CCZ1: variants seen among roughly 807,000 people sequenced by gnomAD.
CCZ1 encodes vacuolar fusion protein CCZ1 homolog.
In CCZ1, 19 loss-of-function variants were observed where a neutral mutation model predicts 57.8. The observed-to-expected ratio is 0.33, with a 90% CI of 0.23 to 0.48. The LOEUF (loss-of-function observed/expected upper bound fraction) is 0.48. Ranked by LOEUF, CCZ1 falls within the 20% of genes least tolerant of loss-of-function variation. The pLI is 0.99. For synonymous variants in CCZ1, 81 were observed against 167.0 expected (o/e 0.49, Z 3.97); for missense variants, 200 against 492.0 (o/e 0.41, Z 5.61).
In CCZ1 at chr7:5,909,106, C is replaced by CTT. The variant is rs10645268; in HGVS notation, c.699-915_699-914dup. ...AACCAGCGAGTCCAATCCCTTGTGA[C>CTT]TTTTTTTTTTTTTTTATCTCAAATG... On this transcript the variant is annotated intron_variant, in intron 7 of 14. Transcript: ENST00000325974. 5.4e-3 allele frequency among the ~76,000 whole-genome samples: 756 copies of CTT among 140,538 alleles called. 45 individuals carry two copies. The highest frequency in any genetic ancestry group is 0.034 in the Middle Eastern group (9 of 268). 92.2% of individuals were successfully genotyped at this position (140,538 alleles called of 152,430 possible). A position where few individuals can be genotyped will look rare whatever the true frequency, so the allele number is the denominator to read the frequency against.
intron 11 of CCZ1, 85 bp from the exon 12 acceptor site, chr7:5,919,764 C>G: frequency 6.3e-7 from 1 of 1,597,326 alleles, no homozygotes; most frequent in Non-Finnish European, 8.6e-7. Flanking sequence ...TTTTCCCAGA[C>G]CAGTGAAGTT....
Position 5,898,754 on chromosome 7 carries a change from C to T in CCZ1, c.-46C>T, listed in dbSNP as rs1203052155. On this transcript the variant is annotated 5_prime_UTR_variant, in exon 1 of 15. Coordinates refer to ENST00000325974, the MANE Select transcript of CCZ1 (RefSeq NM_015622.6). ...CGGTGTTTTAGCCGGTGGCTGCTGTCTCTGGGCGGGCCGTGGGAGGCTCCC... is the reference window on the plus strand; with the variant it reads ...CGGTGTTTTAGCCGGTGGCTGCTGTTTCTGGGCGGGCCGTGGGAGGCTCCC... 2 of 366,700 alleles carry T rather than the reference C, an allele frequency of 5.5e-6. No individual in the cohort carries two copies. Among genetic ancestry groups the T allele is most frequent in the African/African-American group, 2.7e-5 (1 of 36,432 alleles). 22.7% of individuals were successfully genotyped at this position (366,700 alleles called of 1,614,324 possible). A position where few individuals can be genotyped will look rare whatever the true frequency, so the allele number is the denominator to read the frequency against.
chr7:5,924,521 A>ACC (rs759112740), intron 14 of CCZ1, among the ~76,000 whole-genome samples: 2,500 of 111,356 alleles, frequency 0.022, 112 homozygotes, highest in Middle Eastern at 0.045. Context: ...GGCGTGAGCC[A>ACC]CCTTGCCCAG....
rs1483999919 is a variant in CCZ1 at position 5,906,315 on chromosome 7, CTTTCTTTCTTT to C, written c.698+1050_698+1060del. ...GTTCCCGTTGACTAGAGCCCACTTT[CTTTCTTTCTTT>C]TTTTTTTTTTTTTTTGAGACGGAGT... On this transcript the variant is annotated intron_variant, in intron 7 of 14. Coordinates refer to ENST00000325974, the MANE Select transcript of CCZ1 (RefSeq NM_015622.6). 7.3e-5 allele frequency among the ~76,000 whole-genome samples: 8 copies of C among 110,064 alleles called. 1 individual carries two copies. Among genetic ancestry groups the C allele is most frequent in the Admixed American group, 9.4e-5 (1 of 10,640 alleles). 72.2% of individuals were successfully genotyped at this position (110,064 alleles called of 152,430 possible).
At chr7:5,910,346 GTTGGTTTTTTTGTGTGTGTTTTTGTTTGT>G (rs1781940763) in intron 8 of CCZ1, 1 of 399,214 alleles carries the variant, frequency 2.5e-6, no homozygotes, top group Non-Finnish European at 4.3e-6. Flanking sequence ...GTGTCTGTGT[GTTGGTTTTTTTGTGTGTGTTTTTGTTTGT>G]TTGGTTTTTG....
intron 10 of CCZ1, among the ~76,000 whole-genome samples, chr7:5,914,720 C>CA (rs1562543763): frequency 6.8e-6 from 1 of 148,096 alleles, no homozygotes; most frequent in Non-Finnish European, 1.5e-5. Context: ...ACTAAAAATA[C>CA]AAAAAATCAG....
intron 10 of CCZ1, chr7:5,917,919 TCA>T (rs1227729451): frequency 6.9e-6 from 1 of 145,950 alleles, no homozygotes; most frequent in Non-Finnish European, 1.5e-5. Flanking sequence ...AAAGGTCAGG[TCA>T]CTGATTTGAG....
At chr7:5,904,266 A>G (rs1267534012) in intron 6 of CCZ1, among the ~76,000 whole-genome samples, 1 of 139,680 alleles carries the variant, frequency 7.2e-6, no homozygotes, top group Non-Finnish European at 1.5e-5. Flanking sequence ...TTGTAATTTT[A>G]TTAGAGACGG....
intron 5 of CCZ1, chr7:5,902,181 C>G: frequency 5.6e-6 from 1 of 179,976 alleles, no homozygotes; most frequent in South Asian, 1.2e-4. Context: ...GCCTGTAGTC[C>G]CAGCTACCTG....
chr7:5,922,911 G>A (rs1199348830), intron 12 of CCZ1, among the ~76,000 whole-genome samples: 5 of 150,542 alleles, frequency 3.3e-5, no homozygotes, highest in Admixed American at 1.3e-4. Context: ...CAGATGTCAC[G>A]GGCTGTATGT....
intron 6 of CCZ1, 86 bp from the exon 7 acceptor site, chr7:5,905,008 C>G: frequency 1.7e-6 from 2 of 1,159,356 alleles, no homozygotes; most frequent in Non-Finnish European, 2.4e-6. Flanking sequence ...AAATGTGAGT[C>G]TGACATAAGA....
In CCZ1 at chr7:5,910,718, A is replaced by AT. The variant is rs1367624759; in HGVS notation, c.780+605dup. 7.6e-3 allele frequency among the ~76,000 whole-genome samples: 604 copies of AT among 79,460 alleles called. 44 individuals carry two copies. Among genetic ancestry groups the AT allele is most frequent in the African/African-American group, 0.022 (457 of 20,810 alleles). 52.1% of individuals were successfully genotyped at this position (79,460 alleles called of 152,430 possible). The stretch of plus-strand genomic sequence containing the variant: ...TTTATGTATTTTATTTTATTTATTT[A>AT]TTTATTTATTTATTTATTTATTTAT... On this transcript the variant is annotated intron_variant, in intron 8 of 14. Coordinates refer to ENST00000325974, the MANE Select transcript of CCZ1 (RefSeq NM_015622.6).
In CCZ1 at chr7:5,907,611, T is replaced by A. The variant is rs183661685; in HGVS notation, c.698+2342T>A. Among the ~76,000 whole-genome samples the A allele has an allele frequency of 9.7e-4, 142 of 145,976 alleles. 9 individuals carry two copies. The highest frequency in any genetic ancestry group is 3.4e-3 in the African/African-American group (133 of 39,090). On this transcript the variant is annotated intron_variant, in intron 7 of 14. Transcript: ENST00000325974. ...CCTGGAGCCAGAGTGACCAGCAGGG[T>A]TGGCCCTTTGAAGCCTGGAGTCACA...
At position 5,904,962 on chromosome 7, in the gene CCZ1, A is replaced by G. The variant is rs906423834; in HGVS notation, c.523-132A>G. The G allele has an allele frequency of 1.0e-5, 13 of 1,258,976 alleles. 1 individual carries two copies. Among genetic ancestry groups the G allele is most frequent in the Non-Finnish European group, 1.3e-5 (12 of 916,910 alleles). The allele number at this position is 1,258,976 out of a possible 1,614,324, so 78.0% of individuals were successfully genotyped here. A position where few individuals can be genotyped will look rare whatever the true frequency, so the allele number is the denominator to read the frequency against. On this transcript the variant is annotated intron_variant, in intron 6 of 14. Transcript: ENST00000325974. Reference sequence around the variant, plus strand: ...TTACCCATGTCTTCACCACGGCCTCATTGTTGCGCTGTTTGCTAGTATGTA... The same window carrying G: ...TTACCCATGTCTTCACCACGGCCTCGTTGTTGCGCTGTTTGCTAGTATGTA...
chr7:5,902,591 A>G, intron 5 of CCZ1, 70 bp from the exon 6 acceptor site: 3 of 1,499,756 alleles, frequency 2.0e-6, no homozygotes, highest in African/African-American at 1.5e-5. Flanking sequence ...AAGGAAAAAA[A>G]GAACTTGTTA....
At chr7:5,908,743 C>G (rs1781894891) in intron 7 of CCZ1, among the ~76,000 whole-genome samples, 1 of 143,438 alleles carries the variant, frequency 7.0e-6, no homozygotes, top group Non-Finnish European at 1.5e-5. Flanking sequence ...TTGTCTGTCT[C>G]CTTTTAAAAA....
chr7:5,905,902 C>CTTTTTTTTTTT (rs148585423), intron 7 of CCZ1, among the ~76,000 whole-genome samples: 1 of 93,012 alleles, frequency 1.1e-5, no homozygotes, highest in African/African-American at 4.2e-5. Flanking sequence ...ATTTTTATAC[C>CTTTTTTTTTTT]TTTTTTTTTT....
chr7:5,900,545 A>G lies in CCZ1; in HGVS notation c.291A>G (p.Glu97=), dbSNP rs1483042514. The G allele has an allele frequency of 6.2e-7, 1 of 1,602,406 alleles. No individual in the cohort carries two copies. Among genetic ancestry groups the G allele is most frequent in the Non-Finnish European group, 8.5e-7 (1 of 1,178,198 alleles). Residue 97 remains glutamate (E), a synonymous_variant, in exon 3 of 15, where the codon GAA becomes GAG. Transcript: ENST00000325974. ...ACAGACAGTTCTTCAATGAACCAGA[A>G]GAAAATTTCTGGATGGTCATGGTAT... ...QKNRQFFNEP[E]ENFWMVMVVR...
In CCZ1 at chr7:5,909,067, C is replaced by G. The variant is rs534944634; in HGVS notation, c.699-968C>G. ...TGGCTTTGGAGGTTTCCTGCATAAT[C>G]CTACACGGAATTCAACCAGCGAGTC... On this transcript the variant is annotated intron_variant, in intron 7 of 14. Coordinates refer to ENST00000325974, the MANE Select transcript of CCZ1 (RefSeq NM_015622.6). Among the ~76,000 whole-genome samples the G allele has an allele frequency of 1.4e-5, 2 of 145,322 alleles. 1 individual carries two copies. Among genetic ancestry groups the G allele is most frequent in the East Asian group, 4.6e-4 (2 of 4,364 alleles).
Sources: allele counts gnomAD v4.1 joint callset (sites outside exome capture counted in the v4.1 genomes callset), GRCh38; gene constraint gnomAD v4.1.1; transcripts MANE v1.5; gene names NCBI Gene and HGNC (gene_info 2026-07-23, HGNC 2026-07-21).